Variants in NOS1AP observed in about 807,000 individuals in gnomAD.
NOS1AP encodes carboxyl-terminal PDZ ligand of neuronal nitric oxide synthase protein.
NOS1AP carries 21 observed loss-of-function variants against 56.2 expected under a neutral mutation model. The ratio of observed to expected loss-of-function variants is 0.37; its 90% CI spans 0.26 to 0.54. The LOEUF (loss-of-function observed/expected upper bound fraction) is 0.54. NOS1AP is among the 20% of genes least tolerant of loss of function. The pLI, the probability that NOS1AP is intolerant of heterozygous loss-of-function variation, is 0.84. For missense variants in NOS1AP, 522 were observed against 657.8 expected (o/e 0.79, Z 2.26); for synonymous variants, 270 against 274.6 (o/e 0.98, Z 0.17).
intron 3 of NOS1AP, among the ~76,000 whole-genome samples, chr1:162,290,032 A>G (rs899065053): frequency 6.6e-6 from 1 of 152,118 alleles, no homozygotes; most frequent in African/African-American, 2.4e-5. Context: ...TCACCTGGAG[A>G]GAAGCCTCCC....
chr1:162,282,946 G>T lies in NOS1AP; in HGVS notation c.178-4398G>T, dbSNP rs1290025231. On this transcript the variant is annotated intron_variant, in intron 2 of 9. Coordinates refer to ENST00000361897, the MANE Select transcript of NOS1AP (RefSeq NM_014697.3). The stretch of plus-strand genomic sequence containing the variant: ...GACAGTGAGAAGGACTTGGCAAAAT[G>T]AATTTTATGGTTAAGAATGAGGGAG... 2.6e-5 allele frequency among the ~76,000 whole-genome samples: 4 copies of T among 152,244 alleles called. No individual in the cohort carries two copies. In the East Asian group the frequency reaches 7.7e-4, roughly 29 times the overall value.
intron 2 of NOS1AP, among the ~76,000 whole-genome samples, chr1:162,197,240 A>G (rs748809414): frequency 1.3e-5 from 2 of 152,254 alleles, no homozygotes; most frequent in Non-Finnish European, 2.9e-5. Flanking sequence ...CACACGGGCA[A>G]GCCTGAAAGG....
At chr1:162,099,949 A>G (rs995850343) in intron 1 of NOS1AP, among the ~76,000 whole-genome samples, 1 of 151,642 alleles carries the variant, frequency 6.6e-6, no homozygotes, top group African/African-American at 2.4e-5. Flanking sequence ...ATGTCCCTAC[A>G]AAGGACATGA....
At chr1:162,148,698 C>A (rs1649584248) in intron 1 of NOS1AP, among the ~76,000 whole-genome samples, 1 of 152,112 alleles carries the variant, frequency 6.6e-6, no homozygotes. Context: ...GTGGGAGGTT[C>A]TTAAAGAAGG....
chr1:162,358,137 C>T (rs532781373), intron 8 of NOS1AP, among the ~76,000 whole-genome samples: 7 of 152,236 alleles, frequency 4.6e-5, no homozygotes, highest in Middle Eastern at 3.4e-3. Flanking sequence ...TCTAGAATGG[C>T]GGGGAGCAGA....
intron 6 of NOS1AP, among the ~76,000 whole-genome samples, chr1:162,352,290 C>T (rs1432031095): frequency 6.6e-6 from 1 of 152,098 alleles, no homozygotes; most frequent in Admixed American, 6.5e-5. Flanking sequence ...AACTCCTGAG[C>T]TCAGGTGACC....
At chr1:162,345,816 A>G (rs1474514570) in intron 6 of NOS1AP, among the ~76,000 whole-genome samples, 1 of 152,224 alleles carries the variant, frequency 6.6e-6, no homozygotes, top group Admixed American at 6.5e-5. Flanking sequence ...TAATTAGATA[A>G]ACTGATACTT....
chr1:162,180,309 A>G (rs575660360), intron 2 of NOS1AP, among the ~76,000 whole-genome samples: 1 of 152,136 alleles, frequency 6.6e-6, no homozygotes, highest in South Asian at 2.1e-4. Flanking sequence ...CAGTGGCGCT[A>G]TCTCTGCTGA....
intron 2 of NOS1AP, among the ~76,000 whole-genome samples, chr1:162,245,968 C>T (rs181610763): frequency 2.0e-5 from 3 of 152,326 alleles, no homozygotes; most frequent in Admixed American, 1.3e-4. Context: ...TTAATACCAA[C>T]GTTAACACAT....
chr1:162,205,060 T>G (rs1178412273), intron 2 of NOS1AP, among the ~76,000 whole-genome samples: 1 of 152,216 alleles, frequency 6.6e-6, no homozygotes, highest in Non-Finnish European at 1.5e-5. Flanking sequence ...ACAAAGATAT[T>G]GCCAGAAATC....
intron 5 of NOS1AP, 100 bp from the exon 6 acceptor site, chr1:162,343,735 T>A: frequency 7.2e-7 from 1 of 1,388,610 alleles, no homozygotes; most frequent in Non-Finnish European, 1.0e-6. Context: ...TGAACAACTT[T>A]AGATTTTTCT....
At chr1:162,359,201 T>G (rs1482280388) in intron 8 of NOS1AP, among the ~76,000 whole-genome samples, 4 of 152,168 alleles carry the variant, frequency 2.6e-5, no homozygotes, top group African/African-American at 9.7e-5. Flanking sequence ...TGGAATCTGT[T>G]GAATATAGTT....
intron 1 of NOS1AP, among the ~76,000 whole-genome samples, chr1:162,102,629 T>C (rs892536483): frequency 6.6e-6 from 1 of 152,194 alleles, no homozygotes; most frequent in African/African-American, 2.4e-5. Flanking sequence ...TTTTAGTCTA[T>C]TCAGGGATTC....
At chr1:162,190,293 C>T (rs1651578650) in intron 2 of NOS1AP, among the ~76,000 whole-genome samples, 1 of 152,176 alleles carries the variant, frequency 6.6e-6, no homozygotes, top group African/African-American at 2.4e-5. Context: ...TATCAGCTGT[C>T]CTTCCCTGCT....
intron 2 of NOS1AP, among the ~76,000 whole-genome samples, chr1:162,214,291 TCA>T (rs1652471977): frequency 1.3e-5 from 2 of 152,296 alleles, no homozygotes; most frequent in Non-Finnish European, 2.9e-5. Flanking sequence ...ATTCATTCAT[TCA>T]TTCAGTAAAA....
intron 1 of NOS1AP, among the ~76,000 whole-genome samples, chr1:162,087,839 C>T (rs565008903): frequency 1.4e-4 from 22 of 152,184 alleles, no homozygotes; most frequent in East Asian, 7.7e-4. Context: ...CTCTTTGAGG[C>T]GTGGGAGGAG....
intron 2 of NOS1AP, among the ~76,000 whole-genome samples, chr1:162,163,780 A>T (rs534799869): frequency 2.4e-3 from 358 of 152,176 alleles, no homozygotes; most frequent in Non-Finnish European, 4.2e-3. Flanking sequence ...TATTTCTAGG[A>T]TTTTATTCCC....
At chr1:162,316,220 T>G (rs1656224197) in intron 4 of NOS1AP, among the ~76,000 whole-genome samples, 1 of 152,134 alleles carries the variant, frequency 6.6e-6, no homozygotes, top group African/African-American at 2.4e-5. Context: ...ATGTTAACAT[T>G]AGAACATCAG....
chr1:162,201,479 G>A (rs992834219), intron 2 of NOS1AP, among the ~76,000 whole-genome samples: 4 of 152,172 alleles, frequency 2.6e-5, no homozygotes, highest in Admixed American at 1.3e-4. Context: ...TAATGAGATT[G>A]CTGGGTTGAA....
Sources: allele counts gnomAD v4.1 joint callset (sites outside exome capture counted in the v4.1 genomes callset), GRCh38; gene constraint gnomAD v4.1.1; transcripts MANE v1.5; gene names NCBI Gene and HGNC (gene_info 2026-07-23, HGNC 2026-07-21).